Variants in ATG2B observed in about 807,000 individuals in gnomAD.
ATG2B encodes the protein autophagy related 2B, also known as autophagy-related protein 2 homolog B.
Under a neutral mutation model 241.3 loss-of-function variants are expected in ATG2B, and 121 were observed. That is an observed-to-expected ratio of 0.50 (90% CI 0.43 to 0.58). The LOEUF (loss-of-function observed/expected upper bound fraction) is 0.58. Among genes scored for constraint, ATG2B ranks in the 20% least tolerant of loss-of-function variants. ATG2B has a pLI of 0.00. For synonymous variants in ATG2B, 858 were observed against 876.6 expected (o/e 0.98, Z 0.37); for missense variants, 2,306 against 2,491.6 (o/e 0.93, Z 1.59).
chr14:96,331,171 T>C (rs1201177897), intron 11 of ATG2B, among the ~76,000 whole-genome samples: 1 of 152,242 alleles, frequency 6.6e-6, no homozygotes, highest in Non-Finnish European at 1.5e-5. Flanking sequence ...TTATTCTGCA[T>C]GCCAAATAAC....
At chr14:96,333,643 T>C in intron 8 of ATG2B, 45 bp downstream of exon 8, 1 of 1,544,930 alleles carries the variant, frequency 6.5e-7, no homozygotes, top group Non-Finnish European at 8.8e-7. Context: ...ATTTTATCTA[T>C]GATTATAATA....
rs1414936527 is a variant in ATG2B at position 96,280,687 on chromosome 14, C to T, written c.*5068G>A. 1 of 152,042 alleles carries T rather than the reference C, an allele frequency of 6.6e-6. No homozygotes were observed. The highest frequency in any genetic ancestry group is 1.5e-5 in the Non-Finnish European group (1 of 68,028). The allele number at this position is 152,042 out of a possible 1,614,324, so 9.4% of individuals were successfully genotyped here. On this transcript the variant is annotated 3_prime_UTR_variant, in exon 42 of 42. Transcript: ENST00000359933. ...GAGTTCGAGACCAGGCTGAGGTTAA[C>T]CTGGCCAACACGGTGAAACCTCGTC...
At chr14:96,336,287 A>G (rs1026983518) in intron 6 of ATG2B, among the ~76,000 whole-genome samples, 5 of 152,188 alleles carry the variant, frequency 3.3e-5, no homozygotes, top group Non-Finnish European at 7.4e-5. Context: ...ATCTTTATCT[A>G]CACTATATTT....
At chr14:96,310,911 A>T (rs1595304243) in intron 28 of ATG2B, among the ~76,000 whole-genome samples, 1 of 152,236 alleles carries the variant, frequency 6.6e-6, no homozygotes, top group Admixed American at 6.5e-5. Context: ...AGGAAGATTA[A>T]TGGAAACAAA....
chr14:96,295,382 T>C, intron 35 of ATG2B, 100 bp downstream of exon 35: 1 of 874,872 alleles, frequency 1.1e-6, no homozygotes, highest in South Asian at 1.8e-5. Flanking sequence ...TTTATGTAAG[T>C]GGGAATAAAT....
At chr14:96,300,111 G>A (rs1886750422) in intron 34 of ATG2B, among the ~76,000 whole-genome samples, 1 of 152,126 alleles carries the variant, frequency 6.6e-6, no homozygotes, top group African/African-American at 2.4e-5. Context: ...CCTCAAGGTA[G>A]TCATAAAATT....
intron 12 of ATG2B, 84 bp downstream of exon 12, chr14:96,329,400 A>T: frequency 1.0e-6 from 1 of 963,440 alleles, no homozygotes; most frequent in Non-Finnish European, 1.5e-6. Flanking sequence ...ATACATTTTT[A>T]AAGAAAATCA....
chr14:96,306,767 G>C lies in ATG2B; in HGVS notation c.4453C>G (p.Pro1485Ala). 6.2e-7 allele frequency: 1 copy of C among 1,613,990 alleles called. No homozygotes were observed. The highest frequency in any genetic ancestry group is 8.5e-7 in the Non-Finnish European group (1 of 1,179,992). Reference protein sequence around the residue: ...HFISDAMTGVPTENDDFCILF... With the variant: ...HFISDAMTGVATENDDFCILF... ...ATGCAAAAGTCATCATTCTCAGTGGGCACACCTGTCATTGCATCACTGATG... is the reference window on the plus strand; with the variant it reads ...ATGCAAAAGTCATCATTCTCAGTGGCCACACCTGTCATTGCATCACTGATG... The change falls in exon 30 of 42, where the codon CCC becomes GCC. Residue 1485 changes from proline to alanine, a missense_variant. By Grantham distance (27) the Pro-to-Ala change is conservative. Around this residue, in one of 2 missense-constraint regions of ATG2B, gnomAD observed 1,927 missense variants for 2,011.2 expected, o/e 0.96. Transcript: ENST00000359933.
chr14:96,324,600 T>C (rs181370626), intron 15 of ATG2B, among the ~76,000 whole-genome samples: 77 of 152,202 alleles, frequency 5.1e-4, no homozygotes, highest in Admixed American at 1.0e-3. Context: ...GAGATGAAGA[T>C]TGCAGTGAGC....
Sources: allele counts gnomAD v4.1 joint callset (sites outside exome capture counted in the v4.1 genomes callset), GRCh38; gene constraint gnomAD v4.1.1; regional missense constraint gnomAD v4.1.1; transcripts MANE v1.5; gene names NCBI Gene and HGNC (gene_info 2026-07-23, HGNC 2026-07-21).